Variants in SERINC5 observed in about 807,000 individuals in gnomAD.
The protein encoded by SERINC5 is serine incorporator 5, also known as chromosome 5 open reading frame 12.
In SERINC5, 41 loss-of-function variants were observed where a neutral mutation model predicts 63.1. That is an observed-to-expected ratio of 0.65 (90% CI 0.51 to 0.84). The LOEUF is 0.84. SERINC5 is among the 40% of genes least tolerant of loss of function. The pLI is 0.00. For synonymous variants in SERINC5, 222 were observed against 215.2 expected, an observed-to-expected ratio of 1.03 and a Z score of -0.28; for missense variants, 523 against 573.0, an observed-to-expected ratio of 0.91 and a Z score of 0.89.
chr5:80,143,631 G>A lies in SERINC5; in HGVS notation c.*32C>T. 1 of 1,532,214 alleles carries A rather than the reference G, an allele frequency of 6.5e-7. No homozygotes were observed. The highest frequency in any genetic ancestry group is 8.7e-7 in the Non-Finnish European group (1 of 1,144,208). The allele number at this position is 1,532,214 out of a possible 1,614,324, so 94.9% of individuals were successfully genotyped here. ...AAAAGATGGCACTTTCCAGGCTGTA[G>A]GCCCACAAAGCCCAGGGGACCGCCG... On this transcript the variant is annotated 3_prime_UTR_variant, in exon 12 of 12. Transcript: ENST00000507668.
intron 1 of SERINC5, among the ~76,000 whole-genome samples, chr5:80,213,985 A>G (rs1235751776): frequency 6.6e-6 from 1 of 152,252 alleles, no homozygotes; most frequent in East Asian, 1.9e-4. Context: ...TCTACATGAC[A>G]TCTATTACAC....
At chr5:80,118,950 G>A (rs1312700231) in intron 11 of SERINC5, among the ~76,000 whole-genome samples, 1 of 151,842 alleles carries the variant, frequency 6.6e-6, no homozygotes, top group East Asian at 1.9e-4. Flanking sequence ...TAAATTTTGG[G>A]GAGATATAAA....
chr5:80,193,231 T>C (rs1749306943), intron 2 of SERINC5, among the ~76,000 whole-genome samples: 1 of 152,236 alleles, frequency 6.6e-6, no homozygotes, highest in African/African-American at 2.4e-5. Context: ...GATTCAGCCA[T>C]TCACAATATC....
At chr5:80,152,678 C>T (rs573274740) in intron 8 of SERINC5, among the ~76,000 whole-genome samples, 112 of 152,298 alleles carry the variant, frequency 7.4e-4, no homozygotes, top group Admixed American at 2.5e-3. Context: ...CAGTGGTTCA[C>T]GCCTGTAATC....
At chr5:80,166,637 C>T (rs1747320660) in intron 6 of SERINC5, 159 bp from the exon 7 acceptor site, 1 of 532,634 alleles carries the variant, frequency 1.9e-6, no homozygotes, top group Admixed American at 3.2e-5. Flanking sequence ...TCAGATAAAA[C>T]TAAAAAGATA....
At chr5:80,217,235 G>A (rs563509557) in intron 1 of SERINC5, among the ~76,000 whole-genome samples, 163 of 152,214 alleles carry the variant, frequency 1.1e-3, no homozygotes, top group African/African-American at 3.7e-3. Flanking sequence ...CAGAAACCCT[G>A]CTCGTTCTAC....
chr5:80,163,192 T>C (rs1432035212), intron 7 of SERINC5, among the ~76,000 whole-genome samples: 1 of 152,088 alleles, frequency 6.6e-6, no homozygotes, highest in Non-Finnish European at 1.5e-5. Flanking sequence ...CTTTGTATAC[T>C]GCAATATTAC....
intron 2 of SERINC5, among the ~76,000 whole-genome samples, chr5:80,187,458 C>G (rs976016098): frequency 2.6e-5 from 4 of 152,124 alleles, no homozygotes; most frequent in Admixed American, 2.0e-4. Context: ...CAGGGTCCAC[C>G]ACACTGATGA....
intron 1 of SERINC5, among the ~76,000 whole-genome samples, chr5:80,236,378 C>A (rs1751688796): frequency 6.6e-6 from 1 of 152,154 alleles, no homozygotes; most frequent in Non-Finnish European, 1.5e-5. Flanking sequence ...AGAACTGGCT[C>A]TTAACTTCTC....
At chr5:80,167,993 T>C (rs1306241336) in intron 6 of SERINC5, among the ~76,000 whole-genome samples, 1 of 152,206 alleles carries the variant, frequency 6.6e-6, no homozygotes, top group Non-Finnish European at 1.5e-5. Context: ...AGATTTTCCT[T>C]AGCACCTAAT....
intron 8 of SERINC5, among the ~76,000 whole-genome samples, chr5:80,155,445 C>T (rs1222017569): frequency 3.3e-5 from 5 of 152,150 alleles, no homozygotes; most frequent in East Asian, 1.9e-4. Flanking sequence ...TGGTGGCACG[C>T]GCCTATAATC....
intron 8 of SERINC5, among the ~76,000 whole-genome samples, chr5:80,156,694 T>A (rs1406894064): frequency 1.3e-5 from 2 of 152,222 alleles, no homozygotes; most frequent in East Asian, 3.8e-4. Context: ...GCTATCAACT[T>A]TGAAAATTGA....
At chr5:80,234,462 T>C (rs75758889) in intron 1 of SERINC5, among the ~76,000 whole-genome samples, 1,780 of 152,290 alleles carry the variant, frequency 0.012, 41 homozygotes, top group African/African-American at 0.041. Flanking sequence ...AATGCAAAAA[T>C]GTGTTAAACT....
chr5:80,202,220 A>G (rs1749882876), intron 2 of SERINC5, among the ~76,000 whole-genome samples: 1 of 152,136 alleles, frequency 6.6e-6, no homozygotes, highest in East Asian at 1.9e-4. Flanking sequence ...CCTGGGTAAC[A>G]AGAGCAAAAC....
chr5:80,188,012 C>T (rs565868911), intron 2 of SERINC5, among the ~76,000 whole-genome samples: 3 of 152,218 alleles, frequency 2.0e-5, no homozygotes, highest in African/African-American at 2.4e-5. Flanking sequence ...AGGCTGGGTG[C>T]GGTGGCTCAC....
intron 11 of SERINC5, among the ~76,000 whole-genome samples, chr5:80,120,950 C>T (rs545137844): frequency 2.0e-5 from 3 of 152,100 alleles, no homozygotes; most frequent in Admixed American, 6.5e-5. Context: ...TGCAATGGCG[C>T]GATCTTGACT....
At chr5:80,204,205 T>G (rs10080078) in intron 1 of SERINC5, among the ~76,000 whole-genome samples, 3 of 152,132 alleles carry the variant, frequency 2.0e-5, no homozygotes, top group Non-Finnish European at 4.4e-5. Context: ...TCTAGCCCAT[T>G]ATTGAACCTA....
intron 2 of SERINC5, among the ~76,000 whole-genome samples, chr5:80,194,179 A>G (rs1364317049): frequency 2.6e-5 from 4 of 152,254 alleles, no homozygotes; most frequent in African/African-American, 9.6e-5. Context: ...AAAGCATTCC[A>G]GAATCAAAGA....
Position 80,141,799 on chromosome 5 carries a change from AAAAGGAAAT to A in SERINC5, c.*1855_*1863del, listed in dbSNP as rs1360555653. 1.0e-6 allele frequency: 1 copy of A among 985,312 alleles called. No individual in the cohort carries two copies. The highest frequency in any genetic ancestry group is 6.1e-5 in the Admixed American group (1 of 16,266). 61.0% of individuals were successfully genotyped at this position (985,312 alleles called of 1,614,324 possible). On this transcript the variant is annotated 3_prime_UTR_variant, in exon 12 of 12. Transcript: ENST00000507668. ...GCTGAGTACAGAGCTCCTGCCCTAA[AAAAGGAAAT>A]TTAATGGAATTTACAAAACAAGGCT...
Sources: gnomAD v4.1 joint callset for allele counts (sites outside exome capture counted in the v4.1 genomes callset) on GRCh38, gnomAD v4.1.1 for gene constraint, MANE v1.5 for transcripts, NCBI Gene and HGNC (gene_info 2026-07-23, HGNC 2026-07-21) for gene names.